The following EYS variants were observed in gnomAD, a reference collection of about 807,000 sequenced individuals.
EYS encodes protein eyes shut homolog.
A neutral mutation model predicts 282.1 loss-of-function variants in EYS; 250 were observed. The observed-to-expected ratio is 0.89, with a 90% CI of 0.80 to 0.98. The LOEUF (loss-of-function observed/expected upper bound fraction) is 0.98, where lower values mean the gene tolerates loss of function less well. Ranked by LOEUF, EYS falls within the 50% of genes least tolerant of loss-of-function variation. The pLI is 0.00. For missense variants in EYS, 4,016 were observed against 3,709.0 expected, an observed-to-expected ratio of 1.08 and a Z score of -2.15; for synonymous variants, 1,355 against 1,282.9, an observed-to-expected ratio of 1.06 and a Z score of -1.20.
At chr6:65,627,743 G>C (rs997675926) in intron 2 of EYS, among the ~76,000 whole-genome samples, 4 of 152,204 alleles carry the variant, frequency 2.6e-5, no homozygotes, top group Non-Finnish European at 4.4e-5. Flanking sequence ...CACCGATGCT[G>C]CGCTCGATTT....
At chr6:64,415,663 G>A (rs984678988) in intron 28 of EYS, among the ~76,000 whole-genome samples, 1 of 152,130 alleles carries the variant, frequency 6.6e-6, no homozygotes, top group African/African-American at 2.4e-5. Flanking sequence ...ATTATTTTAA[G>A]CTGCAAAGTG....
intron 5 of EYS, among the ~76,000 whole-genome samples, chr6:65,433,834 T>C (rs978263465): frequency 1.3e-4 from 19 of 145,030 alleles, no homozygotes; most frequent in Non-Finnish European, 2.7e-4. Flanking sequence ...CTTTTAATCT[T>C]TCTTTTGGCC....
chr6:64,510,677 C>T (rs1562033561), intron 26 of EYS, among the ~76,000 whole-genome samples: 1 of 152,098 alleles, frequency 6.6e-6, no homozygotes, highest in African/African-American at 2.4e-5. Context: ...TAAATATGTA[C>T]ACTTGCATAA....
At chr6:65,098,667 T>A (rs564637908) in intron 12 of EYS, among the ~76,000 whole-genome samples, 1 of 150,998 alleles carries the variant, frequency 6.6e-6, no homozygotes, top group African/African-American at 2.4e-5. Context: ...GAACAGCTTT[T>A]TCTTATGTAG....
intron 12 of EYS, among the ~76,000 whole-genome samples, chr6:65,172,360 T>C (rs554285575): frequency 6.6e-6 from 1 of 151,498 alleles, no homozygotes; most frequent in East Asian, 2.0e-4. Flanking sequence ...TAAATTTCTT[T>C]CTCAAGTGAA....
chr6:64,336,674 T>A (rs1770860723), intron 29 of EYS, among the ~76,000 whole-genome samples: 1 of 152,108 alleles, frequency 6.6e-6, no homozygotes, highest in Non-Finnish European at 1.5e-5. Flanking sequence ...AGAATACACA[T>A]TCTATTCAAC....
At chr6:64,772,475 C>T (rs1246754265) in intron 22 of EYS, among the ~76,000 whole-genome samples, 1 of 151,734 alleles carries the variant, frequency 6.6e-6, no homozygotes, top group African/African-American at 2.4e-5. Flanking sequence ...ATATCCATCA[C>T]CTCAAGTATT....
At chr6:63,842,319 G>C (rs1487845372) in intron 36 of EYS, among the ~76,000 whole-genome samples, 1 of 152,160 alleles carries the variant, frequency 6.6e-6, no homozygotes, top group Non-Finnish European at 1.5e-5. Flanking sequence ...GTGTGAGATG[G>C]TGTCTCATTG....
chr6:65,463,581 C>T (rs1238720994), intron 5 of EYS, among the ~76,000 whole-genome samples: 2 of 152,062 alleles, frequency 1.3e-5, no homozygotes, highest in African/African-American at 2.4e-5. Flanking sequence ...AATTTATAAA[C>T]TAATTTGTGC....
chr6:64,074,092 T>G (rs1771682470), intron 32 of EYS, among the ~76,000 whole-genome samples: 1 of 151,752 alleles, frequency 6.6e-6, no homozygotes, highest in South Asian at 2.1e-4. Context: ...ATTTTTTTTC[T>G]GAATGTTTTA....
chr6:65,596,975 G>A (rs972686227), intron 2 of EYS, among the ~76,000 whole-genome samples: 2 of 152,048 alleles, frequency 1.3e-5, no homozygotes, highest in South Asian at 2.1e-4. Flanking sequence ...TTTCAACAAA[G>A]AGAGAAGCCA....
chr6:64,844,254 G>A (rs1034893783), intron 19 of EYS, among the ~76,000 whole-genome samples: 1 of 151,820 alleles, frequency 6.6e-6, no homozygotes, highest in Middle Eastern at 3.5e-3. Flanking sequence ...TGTGTATATC[G>A]TCGTTCTTAA....
chr6:65,684,696 T>G (rs1490123), intron 1 of EYS, among the ~76,000 whole-genome samples: 33,201 of 151,874 alleles, frequency 0.22, 4,310 homozygotes, highest in African/African-American at 0.37. Flanking sequence ...ATGTGTCCTT[T>G]TTTTTCCACC....
At position 65,552,838 on chromosome 6, in the gene EYS, T is replaced by C. The variant is rs553937941; in HGVS notation, c.-332-56845A>G. 3.3e-5 allele frequency among the ~76,000 whole-genome samples: 5 copies of C among 150,574 alleles called. No homozygotes were observed. The East Asian group carries it at 7.7e-4, about 23-fold the overall frequency. On this transcript the variant is annotated intron_variant, in intron 2 of 42. Transcript: ENST00000503581. ...TTCAAAATAAAAGGGGTAACCAAAA[T>C]TGCCAGAAATTATGAGATTCAAATT...
chr6:65,411,908 ATT>A (rs1290710100), intron 5 of EYS, among the ~76,000 whole-genome samples: 1 of 150,326 alleles, frequency 6.7e-6, no homozygotes, highest in Non-Finnish European at 1.5e-5. Flanking sequence ...GGACACTTTT[ATT>A]GTTTCCAGTT....
At chr6:65,529,171 A>G (rs1404905175) in intron 2 of EYS, among the ~76,000 whole-genome samples, 1 of 152,096 alleles carries the variant, frequency 6.6e-6, no homozygotes, top group East Asian at 1.9e-4. Flanking sequence ...TCTTGGCATA[A>G]TGAAAGGACA....
Position 64,657,100 on chromosome 6 carries a change from A to T in EYS, c.3444-30855T>A, listed in dbSNP as rs180740802. On this transcript the variant is annotated intron_variant, in intron 22 of 42. Coordinates refer to ENST00000503581, the MANE Select transcript of EYS (RefSeq NM_001142800.2). The stretch of plus-strand genomic sequence containing the variant: ...TTCTTGTTGAATTGATCCCTTTACC[A>T]TTATGTAATGGCCTTCTTTGTCTCT... 4.7e-3 allele frequency among the ~76,000 whole-genome samples: 711 copies of T among 152,270 alleles called. 4 individuals carry two copies. Among genetic ancestry groups the T allele is most frequent in the Non-Finnish European group, 6.2e-3 (420 of 68,020 alleles).
intron 22 of EYS, among the ~76,000 whole-genome samples, chr6:64,718,542 A>C (rs1277226025): frequency 6.6e-6 from 1 of 152,074 alleles, no homozygotes; most frequent in Non-Finnish European, 1.5e-5. Flanking sequence ...GTCCCTTATG[A>C]AGTTGTTGAA....
intron 29 of EYS, among the ~76,000 whole-genome samples, chr6:64,355,148 T>A (rs1290771438): frequency 6.6e-6 from 1 of 151,568 alleles, no homozygotes; most frequent in African/African-American, 2.4e-5. Context: ...CAATACAGAA[T>A]TAAAAAAAAT....
Sources: gnomAD v4.1 joint callset for allele counts (sites outside exome capture counted in the v4.1 genomes callset) on GRCh38, gnomAD v4.1.1 for gene constraint, MANE v1.5 for transcripts, NCBI Gene and HGNC (gene_info 2026-07-23, HGNC 2026-07-21) for gene names.